The following TESK2 variants were observed in gnomAD, a reference collection of about 807,000 sequenced individuals.
TESK2 encodes the protein dual specificity testis-specific protein kinase 2.
In TESK2, 39 loss-of-function variants were observed where a neutral mutation model predicts 57.1. The ratio of observed to expected loss-of-function variants is 0.68; its 90% CI spans 0.53 to 0.89. The LOEUF (loss-of-function observed/expected upper bound fraction) is 0.89, where lower values mean the gene tolerates loss of function less well. TESK2 is among the 40% of genes least tolerant of loss of function. TESK2 has a pLI of 0.00. For synonymous variants in TESK2, 249 were observed against 267.9 expected (o/e 0.93, Z 0.69); for missense variants, 646 against 732.1 (o/e 0.88, Z 1.36).
At chr1:45,480,374 C>T (rs1004960765) in intron 1 of TESK2, among the ~76,000 whole-genome samples, 3 of 150,516 alleles carry the variant, frequency 2.0e-5, no homozygotes, top group Non-Finnish European at 4.4e-5. Context: ...AGAAGAATTG[C>T]TTGAACCTAG....
Position 45,483,523 on chromosome 1 carries a change from G to A in TESK2, c.-87+7329C>T, listed in dbSNP as rs534859700. Among the ~76,000 whole-genome samples, 15 of 151,854 alleles carry A rather than the reference G, an allele frequency of 9.9e-5. No homozygotes were observed. In the East Asian group the frequency reaches 1.9e-3, roughly 20 times the overall value. ...TGAAGAGGGAGAACTGCTTGAACCC[G>A]GCAGGCAGAGGTTGCAGTGAGCTGT... On this transcript the variant is annotated intron_variant, in intron 1 of 10. Transcript: ENST00000372086.
intron 3 of TESK2, among the ~76,000 whole-genome samples, chr1:45,387,620 T>C (rs1268034010): frequency 6.6e-6 from 1 of 152,098 alleles, no homozygotes; most frequent in Non-Finnish European, 1.5e-5. Context: ...CACCACCTAG[T>C]AAACAAAGAG....
At chr1:45,401,760 A>G (rs1232115062) in intron 3 of TESK2, among the ~76,000 whole-genome samples, 1 of 152,142 alleles carries the variant, frequency 6.6e-6, no homozygotes, top group Non-Finnish European at 1.5e-5. Context: ...AAAGAAAAAA[A>G]GGCCAGTGGT....
At chr1:45,423,250 T>TC (rs991757832) in intron 2 of TESK2, among the ~76,000 whole-genome samples, 1 of 151,884 alleles carries the variant, frequency 6.6e-6, no homozygotes, top group Admixed American at 6.6e-5. Flanking sequence ...ACTCAAAGTC[T>TC]CCCCCAAGTA....
chr1:45,436,478 CTTTTTTTT>C (rs35561877), intron 2 of TESK2, among the ~76,000 whole-genome samples: 4 of 33,662 alleles, frequency 1.2e-4, no homozygotes, highest in Admixed American at 5.3e-4. Context: ...CGTGCCTGGC[CTTTTTTTT>C]TTTTTTTTTT....
At chr1:45,451,112 C>T (rs545008211) in intron 2 of TESK2, among the ~76,000 whole-genome samples, 1 of 152,314 alleles carries the variant, frequency 6.6e-6, no homozygotes, top group East Asian at 1.9e-4. Context: ...GATGGTGCCT[C>T]ATCAGCATGG....
intron 2 of TESK2, among the ~76,000 whole-genome samples, chr1:45,450,194 C>T (rs1254576712): frequency 6.6e-6 from 1 of 152,096 alleles, no homozygotes; most frequent in Non-Finnish European, 1.5e-5. Context: ...AGTTCTATAG[C>T]AGAATATGGA....
chr1:45,466,432 C>G (rs557445459), intron 1 of TESK2, among the ~76,000 whole-genome samples: 18 of 152,080 alleles, frequency 1.2e-4, no homozygotes, highest in African/African-American at 4.1e-4. Flanking sequence ...TGAGATCGTG[C>G]CACTGCACTC....
At position 45,346,697 on chromosome 1, in the gene TESK2, C is replaced by T; in HGVS notation, c.875G>A (p.Cys292Tyr). The T allele has an allele frequency of 6.2e-7, 1 of 1,613,216 alleles. No homozygotes were observed. The highest frequency in any genetic ancestry group is 8.5e-7 in the Non-Finnish European group (1 of 1,179,610). ...CAGAGGGAGAAAGACACTCACGTTA[C>T]AGCAGTTGAAAGTAAGTTGCAGAAA... ...PDFLQLTFNC[C>Y]NMDPKLRPSF... The change falls in exon 9 of 11, where the codon TGT becomes TAT. Residue 292 changes from cysteine (C) to tyrosine (Y), a missense_variant. Cys to Tyr is a radical substitution (Grantham distance 194, BLOSUM62 -2). Transcript: ENST00000372086.
intron 3 of TESK2, among the ~76,000 whole-genome samples, chr1:45,412,873 A>G (rs1284805715): frequency 1.3e-5 from 2 of 152,154 alleles, no homozygotes; most frequent in Non-Finnish European, 1.5e-5. Context: ...TTTCAAAGTT[A>G]GCCAAGTGTG....
At chr1:45,381,482 G>T (rs1648650656) in intron 4 of TESK2, among the ~76,000 whole-genome samples, 1 of 152,068 alleles carries the variant, frequency 6.6e-6, no homozygotes, top group Non-Finnish European at 1.5e-5. Flanking sequence ...TGCTATTCTG[G>T]TATCATCTTA....
At chr1:45,449,636 T>A (rs1403453087) in intron 2 of TESK2, among the ~76,000 whole-genome samples, 4 of 152,170 alleles carry the variant, frequency 2.6e-5, no homozygotes, top group African/African-American at 9.7e-5. Flanking sequence ...CATTATTATA[T>A]CCAGGTGTTT....
chr1:45,417,833 C>T (rs562159317), intron 3 of TESK2, among the ~76,000 whole-genome samples: 2 of 152,106 alleles, frequency 1.3e-5, no homozygotes, highest in Non-Finnish European at 2.9e-5. Flanking sequence ...CCTCGTGATC[C>T]GCCCACCTCG....
At chr1:45,464,225 T>C (rs1652444474) in intron 1 of TESK2, among the ~76,000 whole-genome samples, 1 of 152,048 alleles carries the variant, frequency 6.6e-6, no homozygotes, top group Non-Finnish European at 1.5e-5. Flanking sequence ...TATTTTATAG[T>C]TTATAGCCTG....
intron 1 of TESK2, among the ~76,000 whole-genome samples, chr1:45,468,043 G>A (rs1652625638): frequency 1.3e-5 from 2 of 151,956 alleles, no homozygotes; most frequent in South Asian, 4.2e-4. Flanking sequence ...CGGCATGGTG[G>A]TGCACACCTG....
At chr1:45,461,026 T>C (rs1363018586) in intron 1 of TESK2, among the ~76,000 whole-genome samples, 3 of 152,218 alleles carry the variant, frequency 2.0e-5, no homozygotes, top group South Asian at 2.1e-4. Context: ...TCATGGGTCA[T>C]AATAGCTTTT....
At chr1:45,380,743 G>A (rs1357384176) in intron 4 of TESK2, among the ~76,000 whole-genome samples, 1 of 152,154 alleles carries the variant, frequency 6.6e-6, no homozygotes, top group Non-Finnish European at 1.5e-5. Flanking sequence ...CCAGTTATAT[G>A]AGTCCTTTTG....
chr1:45,456,254 C>T (rs1018556102), intron 2 of TESK2, among the ~76,000 whole-genome samples: 1 of 151,982 alleles, frequency 6.6e-6, no homozygotes, highest in Non-Finnish European at 1.5e-5. Flanking sequence ...CGCGGTGGCT[C>T]ATGCCTATAA....
chr1:45,448,161 T>C (rs1392395570), intron 2 of TESK2, among the ~76,000 whole-genome samples: 1 of 147,556 alleles, frequency 6.8e-6, no homozygotes, highest in African/African-American at 2.5e-5. Context: ...TCACTTGAGC[T>C]TGGTAATTCA....
Sources: gnomAD v4.1 joint callset for allele counts (sites outside exome capture counted in the v4.1 genomes callset) on GRCh38, gnomAD v4.1.1 for gene constraint, MANE v1.5 for transcripts, NCBI Gene and HGNC (gene_info 2026-07-23, HGNC 2026-07-21) for gene names.